Variants in RRP1B observed in about 807,000 individuals in gnomAD.
RRP1B encodes ribosomal RNA processing protein 1 homolog B.
In RRP1B, 56 loss-of-function variants were observed where a neutral mutation model predicts 80.2. That is an observed-to-expected ratio of 0.70 (90% CI 0.56 to 0.87). The LOEUF is 0.87. RRP1B is among the 40% of genes least tolerant of loss of function. RRP1B has a pLI of 0.00. For missense variants in RRP1B, 807 were observed against 939.8 expected, an observed-to-expected ratio of 0.86 and a Z score of 1.85; for synonymous variants, 351 against 357.6, an observed-to-expected ratio of 0.98 and a Z score of 0.21.
chr21:43,669,518 CT>C (rs2082991117), intron 1 of RRP1B, among the ~76,000 whole-genome samples: 1 of 152,166 alleles, frequency 6.6e-6, no homozygotes, highest in African/African-American at 2.4e-5. Flanking sequence ...TGCAGTTTTA[CT>C]TCACAAGACC....
intron 2 of RRP1B, 34 bp from the exon 3 acceptor site, chr21:43,672,274 A>AC: frequency 6.2e-7 from 1 of 1,605,828 alleles, no homozygotes; most frequent in South Asian, 1.1e-5. Context: ...CCCCACGATA[A>AC]CCCCCATGTT....
At chr21:43,661,354 C>G (rs1211764954) in intron 1 of RRP1B, among the ~76,000 whole-genome samples, 1 of 152,154 alleles carries the variant, frequency 6.6e-6, no homozygotes, top group Non-Finnish European at 1.5e-5. Context: ...TTTCTTTCCC[C>G]GAAATCCTGT....
Position 43,687,991 on chromosome 21 carries a change from G to T in RRP1B, c.1617G>T (p.Thr539=). The change falls in exon 13 of 16, where the codon ACG becomes ACT. Residue 539 remains threonine, a synonymous_variant. Transcript: ENST00000340648. ...CCGTCAATGGCAGTGGCCTGTCCAC[G>T]CCGGCCTGGCCTCCATTGCAGCAGG... ...VVPVNGSGLS[T]PAWPPLQQEG... 1 of 1,612,784 alleles carries T rather than the reference G, an allele frequency of 6.2e-7. No homozygotes were observed.
At chr21:43,662,340 G>C (rs2082961002) in intron 1 of RRP1B, among the ~76,000 whole-genome samples, 1 of 152,216 alleles carries the variant, frequency 6.6e-6, no homozygotes. Context: ...ACATTGCATG[G>C]AGTACAGTGG....
intron 8 of RRP1B, 115 bp from the exon 9 acceptor site, chr21:43,683,164 T>C (rs724472): frequency 1.3e-6 from 1 of 763,136 alleles, no homozygotes; most frequent in East Asian, 2.8e-5. Flanking sequence ...TGAGCCACCG[T>C]GCCCAACCTT....
chr21:43,676,617 GT>G, intron 7 of RRP1B, 115 bp from the exon 8 acceptor site: 1 of 971,076 alleles, frequency 1.0e-6, no homozygotes, highest in Non-Finnish European at 1.5e-6. Flanking sequence ...TTGCTGGCCC[GT>G]GGGGGCCACT....
Position 43,691,523 on chromosome 21 carries a change from G to A in RRP1B, c.2083+21G>A, listed in dbSNP as rs374914087. 46 of 1,612,664 alleles carry A rather than the reference G, an allele frequency of 2.9e-5. No individual in the cohort carries two copies. Among genetic ancestry groups the A allele is most frequent in the Middle Eastern group, 1.6e-4 (1 of 6,078 alleles). On this transcript the variant is annotated intron_variant, in intron 15 of 15. Coordinates refer to ENST00000340648, the MANE Select transcript of RRP1B (RefSeq NM_015056.3). The surrounding 1 kb of genome is among the most constrained non-coding windows in gnomAD (Gnocchi z 4.2). ...TGCCGGTAAGTGGGGTTTTGCCAGC[G>A]GCAAGCTTCTCTGGAGCACAGCTGC...
intron 7 of RRP1B, 73 bp from the exon 8 acceptor site, chr21:43,676,660 T>C (rs2083023859): frequency 1.5e-6 from 2 of 1,377,798 alleles, no homozygotes; most frequent in Non-Finnish European, 2.0e-6. Context: ...AGGGCTTCCC[T>C]CTGTGCCCCT....
Position 43,687,954 on chromosome 21 carries a change from T to G in RRP1B, c.1580T>G (p.Leu527Arg). ...CAACTCCTAAAAAGGAAGCGGAAAC[T>G]TGGAGTTGTGCCCGTCAATGGCAGT... ...GAQLLKRKRK[L>R]GVVPVNGSGL... The change falls in exon 13 of 16, where the codon CTT becomes CGT. Residue 527 changes from leucine to arginine, a missense_variant. Physicochemically the swap from Leu to Arg is moderately radical, Grantham distance 102. Transcript: ENST00000340648. The G allele has an allele frequency of 6.2e-7, 1 of 1,613,184 alleles. No homozygotes were observed. The highest frequency in any genetic ancestry group is 8.5e-7 in the Non-Finnish European group (1 of 1,180,024).
intron 9 of RRP1B, 45 bp from the exon 10 acceptor site, chr21:43,684,508 T>C: frequency 6.5e-7 from 1 of 1,527,358 alleles, no homozygotes; most frequent in Non-Finnish European, 9.1e-7. Flanking sequence ...AGTCAGGCAG[T>C]GTTGTTTGGC....
At chr21:43,676,063 C>T (rs889648730) in intron 6 of RRP1B, among the ~76,000 whole-genome samples, 1 of 152,044 alleles carries the variant, frequency 6.6e-6, no homozygotes, top group Non-Finnish European at 1.5e-5. Context: ...AGCCACTGCA[C>T]TAAGATACCA....
rs1044068865 is a variant in RRP1B at position 43,691,779 on chromosome 21, T to C, written c.2083+277T>C. Among the ~76,000 whole-genome samples the C allele has an allele frequency of 2.0e-5, 3 of 152,066 alleles. No homozygotes were observed. The highest frequency in any genetic ancestry group is 7.2e-5 in the African/African-American group (3 of 41,404). ...CTCAGGCTGCCGGGTAGCGGGTAGC[T>C]GGGATCACAGGTGCACGCCATCACA... On this transcript the variant is annotated intron_variant, in intron 15 of 15. Coordinates refer to ENST00000340648, the MANE Select transcript of RRP1B (RefSeq NM_015056.3). The surrounding 1 kb of genome is among the most constrained non-coding windows in gnomAD (Gnocchi z 4.2).
In RRP1B at chr21:43,676,796, T is replaced by G. The variant is rs755289555; in HGVS notation, c.678T>G (p.Phe226Leu). 20 of 1,614,140 alleles carry G rather than the reference T, an allele frequency of 1.2e-5. No homozygotes were observed. The African/African-American group carries it at 2.5e-4, about 20-fold the overall frequency. The change falls in exon 8 of 16, where the codon TTT becomes TTG. Residue 226 changes from phenylalanine (F) to leucine (L), a missense_variant. Phe to Leu is a conservative substitution (Grantham distance 22). Transcript: ENST00000340648. ...VFEAIVDQSP[F>L]VPEETMEEQK... ...AAGCTATCGTAGATCAGTCTCCTTT[T>G]GTGCCTGAAGAGACGATGGAGGAAC...
At chr21:43,686,636 CTTTTTT>C (rs1392351147) in intron 11 of RRP1B, 162 bp from the exon 12 acceptor site, 4 of 732,156 alleles carry the variant, frequency 5.5e-6, no homozygotes, top group Admixed American at 3.0e-5. Context: ...ATCCACAAAG[CTTTTTT>C]AAGTCTGTAA....
intron 1 of RRP1B, among the ~76,000 whole-genome samples, chr21:43,666,477 G>C (rs1219220409): frequency 6.6e-6 from 1 of 152,226 alleles, no homozygotes; most frequent in African/African-American, 2.4e-5. Context: ...CCAGCACTAT[G>C]GGAGGCCAAG....
At chr21:43,669,215 T>G (rs934657057) in intron 1 of RRP1B, among the ~76,000 whole-genome samples, 8 of 150,892 alleles carry the variant, frequency 5.3e-5, no homozygotes, top group Non-Finnish European at 1.0e-4. Flanking sequence ...GGGAGGGTGA[T>G]TGACAAAGCC....
At chr21:43,663,290 G>C (rs144012555) in intron 1 of RRP1B, among the ~76,000 whole-genome samples, 71 of 152,264 alleles carry the variant, frequency 4.7e-4, no homozygotes, top group Non-Finnish European at 9.0e-4. Context: ...TTTTGAGACA[G>C]AGTTTCACTC....
chr21:43,674,598 T>C, intron 4 of RRP1B, 38 bp from the exon 5 acceptor site: 1 of 1,338,106 alleles, frequency 7.5e-7, no homozygotes, highest in Non-Finnish European at 1.0e-6. Context: ...TTTTTTTTTT[T>C]TTTTTTTTTT....
At chr21:43,661,091 A>C (rs767739495) in intron 1 of RRP1B, among the ~76,000 whole-genome samples, 13 of 152,220 alleles carry the variant, frequency 8.5e-5, no homozygotes, top group Non-Finnish European at 1.8e-4. Context: ...GACTACCCAA[A>C]AAAAGAAAAT....
Sources: allele counts gnomAD v4.1 joint callset (sites outside exome capture counted in the v4.1 genomes callset), GRCh38; gene constraint gnomAD v4.1.1; non-coding constraint Gnocchi (gnomAD v3.1); transcripts MANE v1.5; gene names NCBI Gene and HGNC (gene_info 2026-07-23, HGNC 2026-07-21).